Variants in INPP4B observed in about 807,000 individuals in gnomAD.
INPP4B encodes inositol polyphosphate 4-phosphatase type II.
INPP4B carries 55 observed loss-of-function variants against 122.5 expected under a neutral mutation model. The observed-to-expected ratio is 0.45, with a 90% confidence interval of 0.36 to 0.56. The LOEUF (loss-of-function observed/expected upper bound fraction) is 0.56. INPP4B is among the 20% of genes least tolerant of loss of function. INPP4B has a pLI of 0.00. For missense variants in INPP4B, 1,000 were observed against 1,097.7 expected (o/e 0.91, Z 1.26); for synonymous variants, 403 against 388.7 (o/e 1.04, Z -0.43).
chr4:142,632,684 C>T (rs116729889), intron 2 of INPP4B, among the ~76,000 whole-genome samples: 3,990 of 151,640 alleles, frequency 0.026, 73 homozygotes, highest in Non-Finnish European at 0.041. Flanking sequence ...ATAGCATATA[C>T]TAAAAGGCAA....
At chr4:142,368,145 T>C (rs1788282340) in intron 7 of INPP4B, among the ~76,000 whole-genome samples, 1 of 152,164 alleles carries the variant, frequency 6.6e-6, no homozygotes, top group Non-Finnish European at 1.5e-5. Context: ...TAAAGGCCAC[T>C]GCCTGAGCTA....
chr4:142,178,092 C>G (rs1214252076), intron 15 of INPP4B, among the ~76,000 whole-genome samples: 1 of 152,190 alleles, frequency 6.6e-6, no homozygotes, highest in Non-Finnish European at 1.5e-5. Flanking sequence ...CCAGCTTAAC[C>G]TGTCCCAAAC....
chr4:142,794,095 C>CTATG (rs1392300720), intron 1 of INPP4B, among the ~76,000 whole-genome samples: 7 of 151,882 alleles, frequency 4.6e-5, no homozygotes, highest in Non-Finnish European at 8.8e-5. Flanking sequence ...ATGGATCTAC[C>CTATG]TATGTATGTA....
intron 17 of INPP4B, among the ~76,000 whole-genome samples, chr4:142,159,629 T>G (rs946886507): frequency 6.6e-6 from 1 of 151,758 alleles, no homozygotes; most frequent in South Asian, 2.1e-4. Flanking sequence ...AGATTTCCCT[T>G]TGTGTGTGTG....
chr4:142,236,893 G>T (rs1014033604), intron 12 of INPP4B, among the ~76,000 whole-genome samples: 4 of 152,168 alleles, frequency 2.6e-5, no homozygotes, highest in Admixed American at 2.0e-4. Flanking sequence ...CTCTGCTGTA[G>T]ATTTCAGCAA....
intron 9 of INPP4B, among the ~76,000 whole-genome samples, chr4:142,293,591 T>C (rs1315001469): frequency 6.6e-6 from 1 of 152,234 alleles, no homozygotes; most frequent in Admixed American, 6.5e-5. Flanking sequence ...GTTTTCTACG[T>C]TTCCCTATCT....
intron 2 of INPP4B, among the ~76,000 whole-genome samples, chr4:142,501,835 G>T (rs943799551): frequency 1.3e-5 from 2 of 152,006 alleles, no homozygotes; most frequent in African/African-American, 4.8e-5. Context: ...AAAACACAAA[G>T]AAAAAGTTAC....
At chr4:142,635,205 AT>A (rs1262303554) in intron 2 of INPP4B, among the ~76,000 whole-genome samples, 5 of 152,174 alleles carry the variant, frequency 3.3e-5, no homozygotes, top group African/African-American at 4.8e-5. Flanking sequence ...AGTTAAAAAA[AT>A]AACAGATGCT....
chr4:142,081,278 T>C (rs1032417616), intron 25 of INPP4B, among the ~76,000 whole-genome samples: 1 of 152,186 alleles, frequency 6.6e-6, no homozygotes, highest in African/African-American at 2.4e-5. Flanking sequence ...GCTTCTGAGC[T>C]AGGCTTTGCA....
chr4:142,124,492 A>G lies in INPP4B; in HGVS notation c.1893+96T>C, dbSNP rs946213063. 3 of 1,140,452 alleles carry G rather than the reference A, an allele frequency of 2.6e-6. No homozygotes were observed. The African/African-American group carries it at 4.7e-5, about 18-fold the overall frequency. 70.6% of individuals were successfully genotyped at this position (1,140,452 alleles called of 1,614,324 possible). ...CCAAAACTTTAAGGATCTTTTTAAA[A>G]ATAAAGCTGTCCCAATAAGAATTCT... is the stretch of plus-strand genomic sequence containing the variant. On this transcript the variant is annotated intron_variant, in intron 19 of 25. Transcript: ENST00000262992.
At chr4:142,535,689 T>C (rs1402254365) in intron 2 of INPP4B, among the ~76,000 whole-genome samples, 1 of 152,190 alleles carries the variant, frequency 6.6e-6, no homozygotes, top group Admixed American at 6.5e-5. Context: ...ATAATTATTG[T>C]TATGATAATG....
chr4:142,452,894 A>G (rs773654483), intron 3 of INPP4B, among the ~76,000 whole-genome samples: 6 of 151,624 alleles, frequency 4.0e-5, no homozygotes, highest in Non-Finnish European at 8.8e-5. Context: ...TAAAATTGCT[A>G]TCACACAACA....
At chr4:142,464,002 C>T (rs747163056) in intron 2 of INPP4B, among the ~76,000 whole-genome samples, 7 of 152,096 alleles carry the variant, frequency 4.6e-5, no homozygotes, top group Non-Finnish European at 8.8e-5. Context: ...CCAATACAAC[C>T]ACCCTATAAG....
At chr4:142,533,090 A>G (rs1827810558) in intron 2 of INPP4B, among the ~76,000 whole-genome samples, 1 of 152,202 alleles carries the variant, frequency 6.6e-6, no homozygotes. Flanking sequence ...CCAGTACTAT[A>G]GTGCCCAAAA....
At position 142,112,550 on chromosome 4, in the gene INPP4B, C is replaced by G; in HGVS notation, c.2268G>C (p.Leu756=). 1 of 1,612,734 alleles carries G rather than the reference C, an allele frequency of 6.2e-7. No individual in the cohort carries two copies. Among genetic ancestry groups the G allele is most frequent in the African/African-American group, 1.3e-5 (1 of 74,956 alleles). ...CTTACACCAAAGCTTACCTTTCAGC[C>G]AGAGTTTGCTGTTCATTGATTCCAA... The part of the protein sequence containing the change: ...FNVGINEQQT[L]AERFGDVSLQ... The change falls in exon 22 of 26, where the codon CTG becomes CTC. Residue 756 remains leucine (L), a synonymous_variant. Coordinates refer to ENST00000262992, the MANE Select transcript of INPP4B (RefSeq NM_001101669.3).
chr4:142,149,312 A>C (rs959321823), intron 17 of INPP4B, among the ~76,000 whole-genome samples: 3 of 152,220 alleles, frequency 2.0e-5, no homozygotes, highest in African/African-American at 7.2e-5. Context: ...TGGTGTTTAT[A>C]TTCACTTTGT....
chr4:142,069,579 AT>A (rs1261182000), intron 25 of INPP4B, among the ~76,000 whole-genome samples: 2 of 152,238 alleles, frequency 1.3e-5, no homozygotes, highest in Non-Finnish European at 2.9e-5. Flanking sequence ...AAATTGATAG[AT>A]CGCTAGCAAG....
chr4:142,484,990 C>T (rs1821033703), intron 2 of INPP4B, among the ~76,000 whole-genome samples: 1 of 151,992 alleles, frequency 6.6e-6, no homozygotes, highest in Non-Finnish European at 1.5e-5. Context: ...TTTAATTTGT[C>T]CTTGGGTGCA....
chr4:142,218,716 C>CTACA (rs1030563459), intron 12 of INPP4B, among the ~76,000 whole-genome samples: 1 of 152,120 alleles, frequency 6.6e-6, no homozygotes, highest in African/African-American at 2.4e-5. Flanking sequence ...CACAGTAAAA[C>CTACA]TACACATGGT....
Sources: allele counts gnomAD v4.1 joint callset (sites outside exome capture counted in the v4.1 genomes callset), GRCh38; gene constraint gnomAD v4.1.1; transcripts MANE v1.5; gene names NCBI Gene and HGNC (gene_info 2026-07-23, HGNC 2026-07-21).